TANC1: variants seen among roughly 807,000 people sequenced by gnomAD.
TANC1 encodes the protein tetratricopeptide repeat, ankyrin repeat and coiled-coil containing 1, also known as protein TANC1.
TANC1 carries 77 observed loss-of-function variants against 149.7 expected under a neutral mutation model. The observed-to-expected ratio is 0.51, with a 90% CI of 0.43 to 0.62. The LOEUF (loss-of-function observed/expected upper bound fraction) is 0.62. Ranked by LOEUF, TANC1 falls within the 20% of genes least tolerant of loss-of-function variation. TANC1 has a pLI of 0.00. For missense variants in TANC1, 1,985 were observed against 2,321.8 expected (o/e 0.85, Z 2.98); for synonymous variants, 854 against 925.0 (o/e 0.92, Z 1.39).
chr2:159,194,170 A>G, intron 16 of TANC1, 87 bp from the exon 17 acceptor site: 1 of 1,023,002 alleles, frequency 9.8e-7, no homozygotes, highest in South Asian at 1.3e-5. Context: ...GATTAAAATG[A>G]TACCGAAAAT....
In TANC1 at chr2:159,096,210, C is replaced by T. The variant is rs181310638; in HGVS notation, c.62-1427C>T. On this transcript the variant is annotated intron_variant, in intron 3 of 26. Coordinates refer to ENST00000263635, the MANE Select transcript of TANC1 (RefSeq NM_033394.3). ...GCACATCCTCAGTTCCATCTTAGTA[C>T]ATACTAACGAGCGGGGAAGGTGATT... is the stretch of plus-strand genomic sequence containing the variant. Among the ~76,000 whole-genome samples the T allele has an allele frequency of 1.7e-3, 253 of 151,500 alleles. 3 individuals carry two copies. Among genetic ancestry groups the T allele is most frequent in the African/African-American group, 5.8e-3 (241 of 41,264 alleles).
At chr2:159,073,285 G>C (rs765829097) in intron 3 of TANC1, among the ~76,000 whole-genome samples, 2 of 152,180 alleles carry the variant, frequency 1.3e-5, no homozygotes, top group Non-Finnish European at 1.5e-5. Context: ...GTAGGGAACA[G>C]ATATCTACCG....
intron 3 of TANC1, among the ~76,000 whole-genome samples, chr2:159,094,231 G>A (rs1234660112): frequency 6.6e-6 from 1 of 152,228 alleles, no homozygotes; most frequent in Non-Finnish European, 1.5e-5. Context: ...TTTAGCCTAT[G>A]TGAGAACAGC....
At chr2:159,182,379 C>T (rs746147553) in intron 14 of TANC1, among the ~76,000 whole-genome samples, 3 of 151,954 alleles carry the variant, frequency 2.0e-5, no homozygotes, top group Admixed American at 2.0e-4. Flanking sequence ...CATACTTAAC[C>T]ACGCTATTAC....
rs190628566 is a variant in TANC1, at chr2:159,112,259, G to A, written c.259+14425G>A. On this transcript the variant is annotated intron_variant, in intron 4 of 26. Transcript: ENST00000263635. Reference sequence around the variant, plus strand: ...TTGGTTTGTTTTTTGTTTTTGTTTTGTTTTTGAGACAGAGTCTCACTCTGC... The same window carrying A: ...TTGGTTTGTTTTTTGTTTTTGTTTTATTTTTGAGACAGAGTCTCACTCTGC... Among the ~76,000 whole-genome samples, 654 of 151,968 alleles carry A rather than the reference G, an allele frequency of 4.3e-3. 1 individual carries two copies. The highest frequency in any genetic ancestry group is 7.0e-3 in the Non-Finnish European group (473 of 67,938).
At chr2:159,186,770 A>C (rs1217593090) in intron 15 of TANC1, 132 bp from the exon 16 acceptor site, 20 of 1,100,820 alleles carry the variant, frequency 1.8e-5, no homozygotes, top group Non-Finnish European at 1.3e-5. Flanking sequence ...TTTGTGTGTG[A>C]CCCCGTGCCT....
At chr2:159,155,278 A>G (rs916116451) in intron 7 of TANC1, among the ~76,000 whole-genome samples, 1 of 152,226 alleles carries the variant, frequency 6.6e-6, no homozygotes, top group Non-Finnish European at 1.5e-5. Context: ...TTTCCTATCA[A>G]AATAAAAAGA....
intron 4 of TANC1, among the ~76,000 whole-genome samples, chr2:159,133,118 G>A (rs896642425): frequency 6.6e-6 from 1 of 152,186 alleles, no homozygotes; most frequent in Non-Finnish European, 1.5e-5. Flanking sequence ...TGCTGTTACT[G>A]TACCCTGAAG....
chr2:159,000,779 G>A (rs190515818), intron 1 of TANC1, among the ~76,000 whole-genome samples: 3 of 152,180 alleles, frequency 2.0e-5, no homozygotes, highest in African/African-American at 7.2e-5. Context: ...ATGGAAATAC[G>A]GCTTCTGACT....
intron 1 of TANC1, among the ~76,000 whole-genome samples, chr2:158,973,306 A>G (rs2033167836): frequency 6.6e-6 from 1 of 152,154 alleles, no homozygotes; most frequent in Admixed American, 6.6e-5. Flanking sequence ...CAGCACACCT[A>G]GGGTTACGTG....
At chr2:159,012,371 T>C (rs1363551961) in intron 2 of TANC1, among the ~76,000 whole-genome samples, 1 of 152,150 alleles carries the variant, frequency 6.6e-6, no homozygotes, top group Admixed American at 6.5e-5. Context: ...ATTGTGCCGA[T>C]AGCAATGTCT....
rs374726261 is a variant in TANC1 at position 159,187,130 on chromosome 2, G to A, written c.2742+106G>A. 765 of 1,317,840 alleles carry A rather than the reference G, an allele frequency of 5.8e-4. 5 individuals carry two copies. The African/African-American group carries it at 9.7e-3, about 17-fold the overall frequency. The allele number at this position is 1,317,840 out of a possible 1,614,324, so 81.6% of individuals were successfully genotyped here. A position where few individuals can be genotyped will look rare whatever the true frequency, so the allele number is the denominator to read the frequency against. On this transcript the variant is annotated intron_variant, in intron 16 of 26. Transcript: ENST00000263635. ...CTGCCCTGGGTGGTGGTGAGAGGAC[G>A]CAGAGGAGCTTCTAAAGATGTGCTT... is the stretch of plus-strand genomic sequence containing the variant.
intron 3 of TANC1, among the ~76,000 whole-genome samples, chr2:159,087,451 CTT>C (rs2045022868): frequency 8.9e-6 from 1 of 112,942 alleles, no homozygotes; most frequent in Non-Finnish European, 1.8e-5. Context: ...GTAGATGTTG[CTT>C]TTTTTGTTTT....
intron 1 of TANC1, among the ~76,000 whole-genome samples, chr2:158,977,220 G>A (rs2149195999): frequency 6.6e-6 from 1 of 152,148 alleles, no homozygotes; most frequent in South Asian, 2.1e-4. Context: ...GTTCACTGCA[G>A]CCTCCAACTC....
At chr2:159,012,491 C>T (rs2037871063) in intron 2 of TANC1, among the ~76,000 whole-genome samples, 1 of 151,524 alleles carries the variant, frequency 6.6e-6, no homozygotes, top group Non-Finnish European at 1.5e-5. Context: ...TAAACAGAAA[C>T]TGCCCCTCTC....
At chr2:159,152,966 T>C (rs1040757950) in intron 7 of TANC1, among the ~76,000 whole-genome samples, 1 of 151,542 alleles carries the variant, frequency 6.6e-6, no homozygotes. Flanking sequence ...CATACAGCCC[T>C]ACCCAGTAGC....
At chr2:159,224,546 C>G (rs2059904091) in intron 23 of TANC1, 182 bp downstream of exon 23, 1 of 693,602 alleles carries the variant, frequency 1.4e-6, no homozygotes, top group South Asian at 2.0e-5. Flanking sequence ...CACGGTGTTT[C>G]TGCGGGGAGG....
At chr2:159,154,077 C>G (rs2053163802) in intron 7 of TANC1, among the ~76,000 whole-genome samples, 1 of 152,120 alleles carries the variant, frequency 6.6e-6, no homozygotes, top group Admixed American at 6.5e-5. Context: ...TAATATTTGT[C>G]AGCCAGTAGA....
At chr2:159,107,758 T>A (rs1232316278) in intron 4 of TANC1, among the ~76,000 whole-genome samples, 1 of 152,238 alleles carries the variant, frequency 6.6e-6, no homozygotes, top group East Asian at 1.9e-4. Context: ...TTGCATCTCT[T>A]GCTTGGTCCA....
Sources: gnomAD v4.1 joint callset for allele counts (sites outside exome capture counted in the v4.1 genomes callset) on GRCh38, gnomAD v4.1.1 for gene constraint, MANE v1.5 for transcripts, NCBI Gene and HGNC (gene_info 2026-07-23, HGNC 2026-07-21) for gene names.